The following SLC30A8 variants were observed in gnomAD, a reference collection of about 807,000 sequenced individuals.
SLC30A8 encodes proton-coupled zinc antiporter SLC30A8.
In SLC30A8, 27 loss-of-function variants were observed where a neutral mutation model predicts 36.9. The ratio of observed to expected loss-of-function variants is 0.73; its 90% CI spans 0.54 to 1.01. SLC30A8 has a LOEUF of 1.01. Ranked by LOEUF, SLC30A8 falls within the 50% of genes least tolerant of loss-of-function variation. SLC30A8 has a pLI of 0.00. For synonymous variants in SLC30A8, 164 were observed against 172.4 expected (o/e 0.95, Z 0.38); for missense variants, 439 against 452.0 (o/e 0.97, Z 0.26).
Position 117,176,325 on chromosome 8 carries a change from A to AGAG in SLC30A8, c.*3645_*3647dup, listed in dbSNP as rs938934511. 2 of 152,524 alleles carry AGAG rather than the reference A, an allele frequency of 1.3e-5. No homozygotes were observed. Among genetic ancestry groups the AGAG allele is most frequent in the Non-Finnish European group, 2.9e-5 (2 of 67,994 alleles). 9.4% of individuals were successfully genotyped at this position (152,524 alleles called of 1,614,324 possible). A position where few individuals can be genotyped will look rare whatever the true frequency, so the allele number is the denominator to read the frequency against. The stretch of plus-strand genomic sequence containing the variant: ...AAATATGATCCAGAGAGTCTTGCAA[A>AGAG]GAGACAAGCCTCATTTTCCACAATT... On this transcript the variant is annotated 3_prime_UTR_variant, in exon 8 of 8. Coordinates refer to ENST00000456015, the MANE Select transcript of SLC30A8 (RefSeq NM_173851.3).
intron 1 of SLC30A8, among the ~76,000 whole-genome samples, chr8:116,955,931 G>A (rs57291728): frequency 1.6e-4 from 25 of 152,158 alleles, no homozygotes; most frequent in African/African-American, 6.0e-4. Context: ...CATCCAGTTT[G>A]TGGCAATTTG....
At chr8:117,114,799 A>G (rs751418840) in intron 2 of SLC30A8, among the ~76,000 whole-genome samples, 8 of 152,116 alleles carry the variant, frequency 5.3e-5, no homozygotes, top group African/African-American at 9.6e-5. Flanking sequence ...CCAGAATCAC[A>G]GAAGCTGGGA....
chr8:117,030,314 G>A (rs1817002296), intron 1 of SLC30A8, among the ~76,000 whole-genome samples: 1 of 150,708 alleles, frequency 6.6e-6, no homozygotes, highest in African/African-American at 2.4e-5. Flanking sequence ...TGCTCTGCAT[G>A]TAAAAATATA....
At chr8:116,974,727 C>T (rs1404709626) in intron 1 of SLC30A8, among the ~76,000 whole-genome samples, 1 of 152,070 alleles carries the variant, frequency 6.6e-6, no homozygotes, top group East Asian at 1.9e-4. Context: ...GCTGTAAAGA[C>T]ACATGCACAC....
intron 2 of SLC30A8, among the ~76,000 whole-genome samples, chr8:117,152,097 ACAAGG>A (rs1822218502): frequency 6.6e-6 from 1 of 152,208 alleles, no homozygotes; most frequent in Non-Finnish European, 1.5e-5. Context: ...TTTGTAGTAC[ACAAGG>A]CAATAAACAG....
At chr8:117,070,767 C>A (rs187677071) in intron 2 of SLC30A8, among the ~76,000 whole-genome samples, 1 of 152,288 alleles carries the variant, frequency 6.6e-6, no homozygotes, top group East Asian at 1.9e-4. Flanking sequence ...CTCATGTAAC[C>A]ATCATTCTAC....
At chr8:117,094,890 C>A (rs1472046677) in intron 2 of SLC30A8, among the ~76,000 whole-genome samples, 1 of 152,218 alleles carries the variant, frequency 6.6e-6, no homozygotes, top group Non-Finnish European at 1.5e-5. Flanking sequence ...CCAGAGGGGG[C>A]CTAGGTGGCA....
chr8:116,952,226 G>A (rs1814017393), intron 1 of SLC30A8, among the ~76,000 whole-genome samples: 1 of 152,204 alleles, frequency 6.6e-6, no homozygotes, highest in Non-Finnish European at 1.5e-5. Context: ...GTGGTTGACA[G>A]AGGTGGACAT....
chr8:117,030,414 C>T (rs756321377), intron 1 of SLC30A8, among the ~76,000 whole-genome samples: 5 of 152,280 alleles, frequency 3.3e-5, no homozygotes, highest in South Asian at 2.1e-4. Context: ...ATCCAGTTAA[C>T]GTTGCCTCCC....
chr8:116,987,144 G>T (rs1391302616), intron 1 of SLC30A8, among the ~76,000 whole-genome samples: 1 of 152,014 alleles, frequency 6.6e-6, no homozygotes, highest in East Asian at 1.9e-4. Flanking sequence ...TTCATGTCAT[G>T]GTATAGAACT....
chr8:117,171,311 T>A, intron 7 of SLC30A8, 143 bp downstream of exon 7: 1 of 903,508 alleles, frequency 1.1e-6, no homozygotes, highest in Non-Finnish European at 1.7e-6. Context: ...CAAGGGCCTT[T>A]GAAACCAGCC....
At chr8:117,080,740 T>C (rs947593489) in intron 2 of SLC30A8, among the ~76,000 whole-genome samples, 11 of 152,214 alleles carry the variant, frequency 7.2e-5, no homozygotes, top group Non-Finnish European at 5.9e-5. Flanking sequence ...CCACCATTGT[T>C]GGGCACCTGG....
At chr8:117,171,552 C>G (rs890857567) in intron 7 of SLC30A8, among the ~76,000 whole-genome samples, 2 of 152,002 alleles carry the variant, frequency 1.3e-5, no homozygotes, top group Admixed American at 6.6e-5. Context: ...GATGTTTTTC[C>G]TGGCACTGAA....
At chr8:117,134,068 C>T (rs1192426407), upstream of SLC30A8, among the ~76,000 whole-genome samples, 1 of 151,940 alleles carries the variant, frequency 6.6e-6, no homozygotes, top group Admixed American at 6.6e-5. Context: ...GTGACTTCTC[C>T]TGTCACTGCC....
At chr8:116,952,032 G>C (rs1814012074) in intron 1 of SLC30A8, among the ~76,000 whole-genome samples, 1 of 152,142 alleles carries the variant, frequency 6.6e-6, no homozygotes, top group African/African-American at 2.4e-5. Flanking sequence ...CAAGAGAGAA[G>C]GCGTTTTGGA....
chr8:116,995,886 A>T (rs992617648), intron 1 of SLC30A8, among the ~76,000 whole-genome samples: 3 of 151,206 alleles, frequency 2.0e-5, no homozygotes, highest in Non-Finnish European at 2.9e-5. Context: ...CCAGACCATC[A>T]CTTGATAGAA....
In SLC30A8 at chr8:117,110,488, C is replaced by T. The variant is rs550993245; in HGVS notation, c.-225-24792C>T. Among the ~76,000 whole-genome samples the T allele has an allele frequency of 1.5e-3, 222 of 152,252 alleles. 1 individual carries two copies. Among genetic ancestry groups the T allele is most frequent in the Non-Finnish European group, 2.6e-3 (179 of 68,008 alleles). ...GAAGGGCAAGATGTCCTCTCAGGGG[C>T]GGCCATCAAACTCGTAGAGCAGGAC... On this transcript the variant is annotated intron_variant, in intron 2 of 10. Coordinates refer to the SLC30A8 transcript ENST00000427715.
At position 117,049,318 on chromosome 8, in the gene SLC30A8, A is replaced by G. The variant is rs139241083; in HGVS notation, c.-226+10060A>G. Among the ~76,000 whole-genome samples the G allele has an allele frequency of 1.7e-3, 262 of 152,330 alleles. 2 individuals are homozygous for G. Among genetic ancestry groups the G allele is most frequent in the African/African-American group, 6.1e-3 (255 of 41,582 alleles). ...CTTATATAATTCTCCCAATAACCCT[A>G]TGAATTAGATGTATACGTAGTTACA... On this transcript the variant is annotated intron_variant, in intron 2 of 10. Coordinates refer to the SLC30A8 transcript ENST00000427715.
rs2129824236 is a variant in SLC30A8 at position 117,176,359 on chromosome 8, A to C, written c.*3678A>C. The C allele has an allele frequency of 6.6e-6, 1 of 152,628 alleles. No individual in the cohort carries two copies. Among genetic ancestry groups the C allele is most frequent in the South Asian group, 2.1e-4 (1 of 4,830 alleles). 9.5% of individuals were successfully genotyped at this position (152,628 alleles called of 1,614,324 possible). A position where few individuals can be genotyped will look rare whatever the true frequency, so the allele number is the denominator to read the frequency against. ...CCTCATTTTCCACAATTAGCTCTAA[A>C]GTGCCTCCAGGAAATGATTTTCTCA... is the stretch of plus-strand genomic sequence containing the variant. On this transcript the variant is annotated 3_prime_UTR_variant, in exon 8 of 8. Coordinates refer to ENST00000456015, the MANE Select transcript of SLC30A8 (RefSeq NM_173851.3).
Sources: gnomAD v4.1 joint callset for allele counts (sites outside exome capture counted in the v4.1 genomes callset) on GRCh38, gnomAD v4.1.1 for gene constraint, MANE v1.5 for transcripts, NCBI Gene and HGNC (gene_info 2026-07-23, HGNC 2026-07-21) for gene names.